Variants in PIK3C2G observed in about 807,000 individuals in gnomAD.
PIK3C2G encodes the protein phosphatidylinositol-4-phosphate 3-kinase catalytic subunit type 2 gamma.
PIK3C2G carries 168 observed loss-of-function variants against 181.1 expected under a neutral mutation model. The ratio of observed to expected loss-of-function variants is 0.93; its 90% confidence interval spans 0.82 to 1.05. The LOEUF (loss-of-function observed/expected upper bound fraction) is 1.05, where lower values mean the gene tolerates loss of function less well. PIK3C2G is among the 50% of genes least tolerant of loss of function. The pLI, the probability that PIK3C2G is intolerant of heterozygous loss-of-function variation, is 0.00. For missense variants in PIK3C2G, 1,869 were observed against 1,732.8 expected (o/e 1.08, Z -1.40); for synonymous variants, 573 against 592.2 (o/e 0.97, Z 0.47).
chr12:18,715,639 G>C, the PIK3C2G span: 1 of 152,026 alleles, frequency 6.6e-6, no homozygotes, highest in Non-Finnish European at 1.5e-5. Flanking sequence ...TTTGCTTTTT[G>C]TTTTTGTGTC....
intron 1 of PIK3C2G, among the ~76,000 whole-genome samples, chr12:18,249,836 T>C (rs537215999): frequency 6.6e-6 from 1 of 152,146 alleles, no homozygotes; most frequent in Non-Finnish European, 1.5e-5. Context: ...AAGCTAAAAT[T>C]TCAGAAATAA....
intron 8 of PIK3C2G, among the ~76,000 whole-genome samples, chr12:18,332,849 T>A (rs963817153): frequency 1.3e-5 from 2 of 152,062 alleles, no homozygotes; most frequent in Non-Finnish European, 2.9e-5. Context: ...AACAGCTGAT[T>A]ACCTACACAC....
intron 13 of PIK3C2G, chr12:18,372,427 G>A (rs780199978): frequency 2.0e-5 from 3 of 152,158 alleles, no homozygotes; most frequent in Non-Finnish European, 2.9e-5. Flanking sequence ...AATGAAATAG[G>A]ATTTCAAGGT....
At chr12:18,259,168 T>C (rs762266469), upstream of PIK3C2G, among the ~76,000 whole-genome samples, 8 of 152,092 alleles carry the variant, frequency 5.3e-5, no homozygotes, top group Non-Finnish European at 8.8e-5. Flanking sequence ...CTTGTCGGTC[T>C]TTTTCACCAC....
rs375108681 is a variant in PIK3C2G, at chr12:18,282,102, G to A, written c.21G>A (p.Thr7=). Residue 7 remains threonine, a synonymous_variant, in exon 2 of 33, where the codon ACG becomes ACA. Transcript: ENST00000538779. The part of the protein sequence containing the change: MAYSWQ[T]DPNPNESHEK... The stretch of plus-strand genomic sequence containing the variant: ...AAAAAATGGCATATTCTTGGCAAAC[G>A]GATCCAAATCCTAATGAATCACACG... The A allele has an allele frequency of 1.1e-5, 18 of 1,598,914 alleles. No homozygotes were observed. The highest frequency in any genetic ancestry group is 6.7e-5 in the East Asian group (3 of 44,464).
At chr12:18,566,470 T>G (rs1945641686) in intron 28 of PIK3C2G, among the ~76,000 whole-genome samples, 1 of 152,330 alleles carries the variant, frequency 6.6e-6, no homozygotes, top group African/African-American at 2.4e-5. Flanking sequence ...AGTCAGACTC[T>G]TGGGGAAAGT....
At chr12:18,309,164 C>T (rs1950540752) in intron 5 of PIK3C2G, among the ~76,000 whole-genome samples, 1 of 151,648 alleles carries the variant, frequency 6.6e-6, no homozygotes, top group Non-Finnish European at 1.5e-5. Context: ...TCACACTAGG[C>T]TATTTAGAGT....
chr12:18,391,285 G>C, intron 15 of PIK3C2G, 33 bp downstream of exon 15: 1 of 1,512,352 alleles, frequency 6.6e-7, no homozygotes, highest in Non-Finnish European at 8.9e-7. Context: ...ATGAATTTTT[G>C]CCTGCTGTTT....
chr12:18,311,364 T>A (rs1377753297), intron 5 of PIK3C2G, among the ~76,000 whole-genome samples: 1 of 152,162 alleles, frequency 6.6e-6, no homozygotes, highest in East Asian at 1.9e-4. Context: ...ATATGTTTCA[T>A]GTAGTATTTT....
chr12:18,626,039 GACTT>G (rs1949082755), intron 31 of PIK3C2G, among the ~76,000 whole-genome samples: 1 of 151,294 alleles, frequency 6.6e-6, no homozygotes, highest in African/African-American at 2.4e-5. Context: ...GACAGGTAAA[GACTT>G]ACTAGTATCA....
chr12:18,585,838 A>G (rs2136447261), intron 29 of PIK3C2G, among the ~76,000 whole-genome samples: 1 of 152,356 alleles, frequency 6.6e-6, no homozygotes, highest in East Asian at 1.9e-4. Context: ...CCAGAATGAT[A>G]CCAAACACTT....
chr12:18,383,984 A>AT (rs1349598583), intron 14 of PIK3C2G, among the ~76,000 whole-genome samples: 246 of 134,364 alleles, frequency 1.8e-3, no homozygotes, highest in Middle Eastern at 3.9e-3. Context: ...TATTATTATT[A>AT]TTATTTTTTT....
At chr12:18,304,424 T>C (rs1455207870) in intron 5 of PIK3C2G, among the ~76,000 whole-genome samples, 1 of 152,090 alleles carries the variant, frequency 6.6e-6, no homozygotes, top group Non-Finnish European at 1.5e-5. Context: ...GCCCAGCTAA[T>C]TTTTGTATTT....
chr12:18,698,616 A>G, the PIK3C2G span, among the ~76,000 whole-genome samples: 1 of 152,128 alleles, frequency 6.6e-6, no homozygotes, highest in Non-Finnish European at 1.5e-5. Context: ...TTTCTACACA[A>G]GATGGTAGAT....
At chr12:18,719,595 T>C in the PIK3C2G span, 16 of 1,605,610 alleles carry the variant, frequency 1.0e-5, no homozygotes, top group African/African-American at 4.0e-5. Context: ...CCATGTATCT[T>C]GTAAAACCTT....
chr12:18,407,024 A>C (rs1944576176), intron 16 of PIK3C2G, among the ~76,000 whole-genome samples: 2 of 152,262 alleles, frequency 1.3e-5, no homozygotes, highest in South Asian at 4.1e-4. Flanking sequence ...ACCTTGGACA[A>C]GTTTATTTAA....
At position 18,482,056 on chromosome 12, in the gene PIK3C2G, C is replaced by T. The variant is rs1020967149; in HGVS notation, c.2505-6393C>T. Among the ~76,000 whole-genome samples the T allele has an allele frequency of 2.8e-4, 42 of 152,090 alleles. 1 individual carries two copies. Among genetic ancestry groups the T allele is most frequent in the Non-Finnish European group, 1.2e-4 (8 of 68,012 alleles). On this transcript the variant is annotated intron_variant, in intron 18 of 32. Coordinates refer to ENST00000538779, the MANE Select transcript of PIK3C2G (RefSeq NM_001288772.2). ...ACCAGGCTAGATTCTATAGTTTCAT[C>T]GTATATACTTTTGGACAACAAAAAA...
intron 29 of PIK3C2G, among the ~76,000 whole-genome samples, chr12:18,593,927 A>C (rs889453305): frequency 1.5e-4 from 23 of 151,786 alleles, no homozygotes; most frequent in Admixed American, 7.9e-4. Context: ...CTCTTTAGAA[A>C]ACAATTAAGT....
At chr12:18,288,381 CAAATTT>C (rs1949546144) in intron 3 of PIK3C2G, among the ~76,000 whole-genome samples, 1 of 152,014 alleles carries the variant, frequency 6.6e-6, no homozygotes, top group Non-Finnish European at 1.5e-5. Flanking sequence ...GAGAGATACT[CAAATTT>C]AAAATAAACA....
Sources: allele counts gnomAD v4.1 joint callset (sites outside exome capture counted in the v4.1 genomes callset), GRCh38; gene constraint gnomAD v4.1.1; transcripts MANE v1.5; gene names NCBI Gene and HGNC (gene_info 2026-07-23, HGNC 2026-07-21).